Variants in SORCS3 observed in about 807,000 individuals in gnomAD.
SORCS3 encodes VPS10 domain-containing receptor SorCS3.
SORCS3 carries 57 observed loss-of-function variants against 146.3 expected under a neutral mutation model. The ratio of observed to expected loss-of-function variants is 0.39; its 90% CI spans 0.31 to 0.49. SORCS3 has a LOEUF of 0.49. SORCS3 is among the 20% of genes least tolerant of loss of function. The pLI is 0.92. For missense variants in SORCS3, 1,341 were observed against 1,575.5 expected (o/e 0.85, Z 2.52); for synonymous variants, 653 against 618.5 (o/e 1.06, Z -0.83).
intron 1 of SORCS3, among the ~76,000 whole-genome samples, chr10:104,778,069 A>G (rs1227595859): frequency 6.6e-6 from 1 of 152,206 alleles, no homozygotes; most frequent in Non-Finnish European, 1.5e-5. Flanking sequence ...GGGAAATTAT[A>G]GTTAACAGTA....
chr10:104,940,372 C>T (rs1425884115), intron 3 of SORCS3, among the ~76,000 whole-genome samples: 1 of 148,704 alleles, frequency 6.7e-6, no homozygotes, highest in African/African-American at 2.5e-5. Flanking sequence ...AGGTATATCT[C>T]CTAATGCTAT....
intron 2 of SORCS3, among the ~76,000 whole-genome samples, chr10:104,861,659 GA>G (rs1295311124): frequency 6.6e-6 from 1 of 152,176 alleles, no homozygotes; most frequent in African/African-American, 2.4e-5. Flanking sequence ...AGTTCTCCCT[GA>G]AGTGTCAAAG....
chr10:104,866,425 G>A (rs902876112), intron 2 of SORCS3, among the ~76,000 whole-genome samples: 1 of 152,066 alleles, frequency 6.6e-6, no homozygotes, highest in Non-Finnish European at 1.5e-5. Flanking sequence ...AGGACCATCA[G>A]TAACTATTAT....
intron 1 of SORCS3, among the ~76,000 whole-genome samples, chr10:104,771,150 T>C (rs2017244941): frequency 6.6e-6 from 1 of 152,188 alleles, no homozygotes; most frequent in African/African-American, 2.4e-5. Flanking sequence ...AACCCAGCAG[T>C]GTCGGCATCA....
intron 1 of SORCS3, among the ~76,000 whole-genome samples, chr10:104,842,234 G>A (rs897112783): frequency 2.6e-5 from 4 of 152,206 alleles, no homozygotes; most frequent in Non-Finnish European, 4.4e-5. Context: ...ATACATGGTC[G>A]AAGGCAGATG....
chr10:105,142,011 A>G (rs933550453), intron 8 of SORCS3, among the ~76,000 whole-genome samples: 1 of 152,152 alleles, frequency 6.6e-6, no homozygotes, highest in Non-Finnish European at 1.5e-5. Context: ...GGGTAATAAT[A>G]CTGAGGCTCT....
intron 14 of SORCS3, among the ~76,000 whole-genome samples, chr10:105,197,787 T>C (rs1014123302): frequency 2.0e-5 from 3 of 152,202 alleles, no homozygotes; most frequent in African/African-American, 7.2e-5. Context: ...ATTAAGCCTG[T>C]CTCTTTAGTC....
chr10:104,810,745 C>G (rs1442534424), intron 1 of SORCS3, among the ~76,000 whole-genome samples: 1 of 152,190 alleles, frequency 6.6e-6, no homozygotes, highest in Non-Finnish European at 1.5e-5. Context: ...GGTGGTATAG[C>G]AGTTACATAC....
At chr10:104,862,749 GT>G (rs1040595750) in intron 2 of SORCS3, among the ~76,000 whole-genome samples, 12 of 151,988 alleles carry the variant, frequency 7.9e-5, no homozygotes, top group African/African-American at 2.9e-4. Context: ...CCCTCATTCA[GT>G]TTTTTTACCT....
chr10:104,817,182 G>T (rs2017807097), intron 1 of SORCS3, among the ~76,000 whole-genome samples: 1 of 152,210 alleles, frequency 6.6e-6, no homozygotes, highest in South Asian at 2.1e-4. Context: ...GAGAGACCTG[G>T]CCAAGGAGGA....
intron 1 of SORCS3, among the ~76,000 whole-genome samples, chr10:104,802,553 T>C (rs563038084): frequency 1.1e-4 from 16 of 152,314 alleles, no homozygotes; most frequent in African/African-American, 3.8e-4. Context: ...GAAATCTGGC[T>C]TCCTGATTGG....
At chr10:104,869,415 A>G (rs918178163) in intron 2 of SORCS3, among the ~76,000 whole-genome samples, 5 of 152,184 alleles carry the variant, frequency 3.3e-5, no homozygotes, top group African/African-American at 1.2e-4. Flanking sequence ...CAGGCCTTCA[A>G]TGGGTTGGAT....
At chr10:104,773,488 T>A (rs182291533) in intron 1 of SORCS3, among the ~76,000 whole-genome samples, 34 of 152,354 alleles carry the variant, frequency 2.2e-4, no homozygotes, top group Non-Finnish European at 4.4e-4. Context: ...TGGTAAATGC[T>A]ATAAATCTGG....
chr10:105,089,745 T>C (rs775386420), intron 5 of SORCS3, 30 bp from the exon 6 acceptor site: 7 of 1,600,222 alleles, frequency 4.4e-6, no homozygotes, highest in South Asian at 2.2e-5. Flanking sequence ...GTGTTGTCAC[T>C]GAGCTTCTGT....
intron 1 of SORCS3, among the ~76,000 whole-genome samples, chr10:104,771,061 T>C (rs7906784): frequency 0.26 from 38,844 of 152,088 alleles, 5,599 homozygotes; most frequent in East Asian, 0.63. Flanking sequence ...TCCAAATGCT[T>C]GATAGCCACG....
intron 25 of SORCS3, 116 bp from the exon 26 acceptor site, chr10:105,262,215 T>C: frequency 3.2e-6 from 3 of 932,024 alleles, no homozygotes; most frequent in Non-Finnish European, 3.3e-6. Flanking sequence ...TATCTTTCCC[T>C]GACATGGACC....
At chr10:105,155,361 C>A (rs1026222633) in intron 9 of SORCS3, among the ~76,000 whole-genome samples, 20 of 152,116 alleles carry the variant, frequency 1.3e-4, no homozygotes, top group African/African-American at 4.6e-4. Context: ...TGAGTCTGAT[C>A]CAAATATTTT....
chr10:104,645,735 A>T (rs576604875), intron 1 of SORCS3, among the ~76,000 whole-genome samples: 18 of 152,334 alleles, frequency 1.2e-4, no homozygotes, highest in East Asian at 3.9e-4. Flanking sequence ...AGATTCTCCC[A>T]GGCAGGATTT....
intron 1 of SORCS3, among the ~76,000 whole-genome samples, chr10:104,695,608 C>G (rs976061034): frequency 1.3e-5 from 2 of 151,888 alleles, no homozygotes; most frequent in African/African-American, 4.8e-5. Context: ...GTCCTTATCT[C>G]CCTCAGCTTT....
Sources: gnomAD v4.1 joint callset for allele counts (sites outside exome capture counted in the v4.1 genomes callset) on GRCh38, gnomAD v4.1.1 for gene constraint, MANE v1.5 for transcripts, NCBI Gene and HGNC (gene_info 2026-07-23, HGNC 2026-07-21) for gene names.